PPRC1: variants seen among roughly 807,000 people sequenced by gnomAD.
The protein encoded by PPRC1 is PPARG related coactivator 1, also known as peroxisome proliferator-activated receptor gamma coactivator-related protein 1.
PPRC1 carries 23 observed loss-of-function variants against 132.5 expected under a neutral mutation model. The observed-to-expected ratio is 0.17, with a 90% confidence interval of 0.12 to 0.25. PPRC1 has a LOEUF of 0.25. PPRC1 is among the 10% of genes least tolerant of loss of function. The pLI is 1.00. For synonymous variants in PPRC1, 872 were observed against 833.5 expected, an observed-to-expected ratio of 1.05 and a Z score of -0.80; for missense variants, 2,006 against 2,089.1, an observed-to-expected ratio of 0.96 and a Z score of 0.78.
chr10:102,149,691 C>T (rs1414016539), intron 13 of PPRC1, among the ~76,000 whole-genome samples: 1 of 143,492 alleles, frequency 7.0e-6, no homozygotes, highest in Non-Finnish European at 1.5e-5. Flanking sequence ...GACATCACAA[C>T]ACTGCACTCC....
upstream of PPRC1, among the ~76,000 whole-genome samples, chr10:102,131,947 C>T (rs991795700): frequency 1.1e-4 from 17 of 152,182 alleles, no homozygotes; most frequent in South Asian, 4.2e-4. Flanking sequence ...TGTGAGTCAC[C>T]GAGCCACGGC....
At chr10:102,135,012 G>A (rs2068669619) in intron 1 of PPRC1, among the ~76,000 whole-genome samples, 1 of 152,188 alleles carries the variant, frequency 6.6e-6, no homozygotes, top group Non-Finnish European at 1.5e-5. Flanking sequence ...ATACCATTAT[G>A]TTTAGGCACA....
rs763273797 is a variant in PPRC1, at chr10:102,137,872, G to A, written c.176G>A (p.Gly59Asp). Residue 59 changes from glycine to aspartate, a missense_variant, in exon 2 of 14, where the codon GGT becomes GAT. This residue lies in a region of PPRC1 where 1,914 missense variants were observed against 1,917.2 expected (regional missense o/e 1.00). Transcript: ENST00000278070. ...CAGGTGCTGCTGCATGAGGAGGCGG[G>A]TGATTCTGGCTTTGTCAGTCTCTCT... ...GEQVLLHEEA[G>D]DSGFVSLSRL... 2.0e-5 allele frequency: 32 copies of A among 1,613,838 alleles called. No individual in the cohort carries two copies. The South Asian group carries it at 2.4e-4, about 12-fold the overall frequency.
chr10:102,121,478 A>G, the PPRC1 span, among the ~76,000 whole-genome samples: 1 of 152,066 alleles, frequency 6.6e-6, no homozygotes, highest in Non-Finnish European at 1.5e-5. Context: ...TTCCCCTGGG[A>G]GGAGCCTCCC....
the PPRC1 span, among the ~76,000 whole-genome samples, chr10:102,123,342 A>C: frequency 6.6e-6 from 1 of 152,050 alleles, no homozygotes; most frequent in African/African-American, 2.4e-5. Flanking sequence ...AAGAGAGGTC[A>C]CAGACACCTG....
Position 102,149,878 on chromosome 10 carries a change from G to T in PPRC1, c.4892-48G>T, listed in dbSNP as rs758575659. The T allele has an allele frequency of 2.1e-6, 3 of 1,426,020 alleles. No individual in the cohort carries two copies. In the South Asian group the frequency reaches 3.4e-5, roughly 16 times the overall value. The allele number at this position is 1,426,020 out of a possible 1,614,324, so 88.3% of individuals were successfully genotyped here. On this transcript the variant is annotated intron_variant, in intron 13 of 13. Transcript: ENST00000278070. ...TAGCTAGCCATTTGCAGACCCTGTG[G>T]TTGGGAAGTGTGGTCAGAGACCTTG... is the stretch of plus-strand genomic sequence containing the variant.
In PPRC1 at chr10:102,138,923, C is replaced by T. The variant is rs1361479254; in HGVS notation, c.534C>T (p.Asp178=). 2 of 1,614,056 alleles carry T rather than the reference C, an allele frequency of 1.2e-6. No homozygotes were observed. The highest frequency in any genetic ancestry group is 1.7e-6 in the Non-Finnish European group (2 of 1,180,014). The change falls in exon 4 of 14, where the codon GAC becomes GAT. Residue 178 remains aspartate (D), a synonymous_variant. Coordinates refer to ENST00000278070, the MANE Select transcript of PPRC1 (RefSeq NM_015062.5). ...LTLSRTPPER[D]LITPVDPLGP... ...TCTCTCGGACACCCCCAGAACGTGA[C>T]CTCATCACCCCAGTTGACCCACTGG... is the stretch of plus-strand genomic sequence containing the variant.
rs747075922 is a variant in PPRC1 at position 102,147,262 on chromosome 10, G to A, written c.4270G>A (p.Gly1424Ser). 1 of 1,613,074 alleles carries A rather than the reference G, an allele frequency of 6.2e-7. No homozygotes were observed. Residue 1424 changes from glycine to serine, a missense_variant, in exon 9 of 14, where the codon GGC becomes AGC. Coordinates refer to ENST00000278070, the MANE Select transcript of PPRC1 (RefSeq NM_015062.5). Reference sequence around the variant, plus strand: ...AAGCCAGGGCTGGCAGGGCCGCCGAGGCCGCAACAGCCGTTCTGTCAGCTC... The same window carrying A: ...AAGCCAGGGCTGGCAGGGCCGCCGAAGCCGCAACAGCCGTTCTGTCAGCTC... ...PSSQGWQGRR[G>S]RNSRSVSSGS...
intron 1 of PPRC1, among the ~76,000 whole-genome samples, chr10:102,136,759 G>A (rs2068738305): frequency 6.6e-6 from 1 of 152,134 alleles, no homozygotes; most frequent in African/African-American, 2.4e-5. Context: ...CTAGGATAAG[G>A]GGGGACTACT....
At chr10:102,126,777 T>G in the PPRC1 span, among the ~76,000 whole-genome samples, 4 of 152,076 alleles carry the variant, frequency 2.6e-5, no homozygotes, top group African/African-American at 9.7e-5. Flanking sequence ...GAACTGTAAC[T>G]TTTGTTGAAT....
the PPRC1 span, chr10:102,120,439 C>T: frequency 1.0e-6 from 1 of 969,324 alleles, no homozygotes; most frequent in African/African-American, 1.8e-5. Flanking sequence ...CCGAGCGCCC[C>T]CCTCTCCGCC....
In PPRC1 at chr10:102,133,215, C is replaced by T. The variant is rs2068586291; in HGVS notation, c.147C>T (p.Gly49=). ...PYGTLGAVSG[G]EQVLLHEEAG... is the part of the protein sequence containing the mutation. ...GGACTTTGGGCGCTGTGAGCGGCGGCGAGCAGGTGAGAGGTTGGCTGGCGG... is the reference window on the plus strand; with the variant it reads ...GGACTTTGGGCGCTGTGAGCGGCGGTGAGCAGGTGAGAGGTTGGCTGGCGG... Residue 49 remains glycine, a synonymous_variant, in exon 1 of 14, where the codon GGC becomes GGT. Coordinates refer to ENST00000278070, the MANE Select transcript of PPRC1 (RefSeq NM_015062.5). 3.9e-6 allele frequency: 5 copies of T among 1,281,858 alleles called. No homozygotes were observed. Among genetic ancestry groups the T allele is most frequent in the Non-Finnish European group, 5.0e-6 (5 of 1,007,792 alleles). The allele number at this position is 1,281,858 out of a possible 1,614,324, so 79.4% of individuals were successfully genotyped here. A position where few individuals can be genotyped will look rare whatever the true frequency, so the allele number is the denominator to read the frequency against.
At chr10:102,128,063 G>A (rs1280241229), upstream of PPRC1, among the ~76,000 whole-genome samples, 1 of 152,148 alleles carries the variant, frequency 6.6e-6, no homozygotes, top group Non-Finnish European at 1.5e-5. Context: ...GACTGGTGTT[G>A]GAGAATCTGC....
chr10:102,133,164 G>C lies in PPRC1; in HGVS notation c.96G>C (p.Trp32Cys). 1 of 1,268,856 alleles carries C rather than the reference G, an allele frequency of 7.9e-7. No homozygotes were observed. Among genetic ancestry groups the C allele is most frequent in the South Asian group, 3.8e-5 (1 of 26,242 alleles). 78.6% of individuals were successfully genotyped at this position (1,268,856 alleles called of 1,614,324 possible). ...DPGGGARGSG[W>C]GSRSQAPYGT... is the part of the protein sequence containing the mutation. Reference sequence around the variant, plus strand: ...GCGGGGGAGCCCGCGGCAGTGGTTGGGGAAGTCGAAGCCAAGCGCCGTATG... The same window carrying C: ...GCGGGGGAGCCCGCGGCAGTGGTTGCGGAAGTCGAAGCCAAGCGCCGTATG... Residue 32 changes from tryptophan to cysteine, a missense_variant, in exon 1 of 14, where the codon TGG (tryptophan) becomes TGC (cysteine). Coordinates refer to ENST00000278070, the MANE Select transcript of PPRC1 (RefSeq NM_015062.5).
Position 102,140,986 on chromosome 10 carries a change from T to C in PPRC1, c.2478T>C (p.Pro826=). Residue 826 remains proline, a synonymous_variant, in exon 5 of 14, where the codon CCT becomes CCC. Coordinates refer to ENST00000278070, the MANE Select transcript of PPRC1 (RefSeq NM_015062.5). ...GCCTTGTGCCTGTAGGTCCCAGCCCTGCTTCTCCTAGTCCTGAGCCACCTG... is the reference window on the plus strand; with the variant it reads ...GCCTTGTGCCTGTAGGTCCCAGCCCCGCTTCTCCTAGTCCTGAGCCACCTG... ...EICLVPVGPS[P]ASPSPEPPVS... 1 of 1,614,078 alleles carries C rather than the reference T, an allele frequency of 6.2e-7. No individual in the cohort carries two copies.
intron 1 of PPRC1, among the ~76,000 whole-genome samples, chr10:102,133,872 G>T (rs1185888243): frequency 2.0e-5 from 3 of 151,946 alleles, no homozygotes; most frequent in Admixed American, 6.6e-5. Flanking sequence ...ACTTTGTTCA[G>T]AGCCTTGGAG....
chr10:102,150,043 C>T lies in PPRC1; in HGVS notation c.*14C>T. ...CTCAGGAGGTAACCTTGGGCCCTTC[C>T]CTGCTATCCTTTTTCTCCTTTGGAG... On this transcript the variant is annotated 3_prime_UTR_variant, in exon 14 of 14. Transcript: ENST00000278070. 6.3e-7 allele frequency: 1 copy of T among 1,584,608 alleles called. No homozygotes were observed. The highest frequency in any genetic ancestry group is 2.2e-5 in the East Asian group (1 of 44,728).
Position 102,139,687 on chromosome 10 carries a change from A to C in PPRC1, c.1179A>C (p.Thr393=), listed in dbSNP as rs1334484697. 6.2e-7 allele frequency: 1 copy of C among 1,614,050 alleles called. No individual in the cohort carries two copies. Among genetic ancestry groups the C allele is most frequent in the Non-Finnish European group, 8.5e-7 (1 of 1,180,028 alleles). Residue 393 remains threonine, a synonymous_variant, in exon 5 of 14, where the codon ACA becomes ACC. Coordinates refer to ENST00000278070, the MANE Select transcript of PPRC1 (RefSeq NM_015062.5). ...TSSALQLLMP[T]LESETEAAVP... ...CTGCCTTGCAGCTGCTTATGCCTAC[A>C]CTGGAGTCAGAGACAGAGGCTGCTG...
rs1313804131 is a variant in PPRC1, at chr10:102,139,934, G to T, written c.1426G>T (p.Ala476Ser). 2 of 1,614,260 alleles carry T rather than the reference G, an allele frequency of 1.2e-6. No homozygotes were observed. The highest frequency in any genetic ancestry group is 1.1e-5 in the South Asian group (1 of 91,088). ...EQPAACVEGY[A>S]RRLRSSSRGQ... ...GCCAGCAGCCTGTGTGGAAGGCTAT[G>T]CCAGGAGGCTGAGGTCATCTTCTCG... is the stretch of plus-strand genomic sequence containing the variant. The change falls in exon 5 of 14, where the codon GCC (alanine) becomes TCC (serine). Residue 476 changes from alanine to serine, a missense_variant. Coordinates refer to ENST00000278070, the MANE Select transcript of PPRC1 (RefSeq NM_015062.5).
Sources: allele counts gnomAD v4.1 joint callset (sites outside exome capture counted in the v4.1 genomes callset), GRCh38; gene constraint gnomAD v4.1.1; regional missense constraint gnomAD v4.1.1; transcripts MANE v1.5; gene names NCBI Gene and HGNC (gene_info 2026-07-23, HGNC 2026-07-21).